Variants in MGA observed in about 807,000 individuals in gnomAD.
MGA encodes MAX dimerization protein MGA, also known as MAX gene-associated protein.
In MGA, 40 loss-of-function variants were observed where a neutral mutation model predicts 261.1. That is an observed-to-expected ratio of 0.15 (90% CI 0.12 to 0.20). The LOEUF (loss-of-function observed/expected upper bound fraction) is 0.20. Ranked by LOEUF, MGA falls within the 10% of genes least tolerant of loss-of-function variation. The pLI, the probability that MGA is intolerant of heterozygous loss-of-function variation, is 1.00. For synonymous variants in MGA, 1,302 were observed against 1,290.6 expected (o/e 1.01, Z -0.19); for missense variants, 3,397 against 3,630.5 (o/e 0.94, Z 1.65).
rs546786405 is a variant in MGA, at chr15:41,707,547, G to A, written c.2189-181G>A. ...TGTAATACCAGATGTCATGGATCAT[G>A]GGGCCACCTTAAATTGAATCTGCTA... is the stretch of plus-strand genomic sequence containing the variant. On this transcript the variant is annotated intron_variant, in intron 5 of 23. Transcript: ENST00000219905. 9.9e-5 allele frequency among the ~76,000 whole-genome samples: 15 copies of A among 152,284 alleles called. No homozygotes were observed. In the South Asian group the frequency reaches 3.1e-3, roughly 32 times the overall value.
chr15:41,634,107 T>C (rs1034953023), intron 1 of MGA, among the ~76,000 whole-genome samples: 18 of 152,170 alleles, frequency 1.2e-4, no homozygotes, highest in Admixed American at 9.8e-4. Flanking sequence ...CCATCTCTCT[T>C]CCCTGCTTTA....
At chr15:41,636,708 C>T (rs1019370723) in intron 1 of MGA, among the ~76,000 whole-genome samples, 10 of 152,028 alleles carry the variant, frequency 6.6e-5, no homozygotes, top group African/African-American at 2.4e-4. Context: ...AGCCACCATA[C>T]CCAGCCTAAT....
At chr15:41,640,907 C>T (rs12591253) in intron 1 of MGA, among the ~76,000 whole-genome samples, 22,960 of 152,132 alleles carry the variant, frequency 0.15, 2,630 homozygotes, top group East Asian at 0.68. Context: ...TTAGTGTATT[C>T]ATAGTAATGC....
chr15:41,733,964 G>A (rs1371680876), intron 11 of MGA, among the ~76,000 whole-genome samples: 1 of 147,298 alleles, frequency 6.8e-6, no homozygotes, highest in East Asian at 2.1e-4. Context: ...CACCCAGGCT[G>A]AAGTGCAGTG....
In MGA at chr15:41,749,225, C is replaced by T. The variant is rs2062692471; in HGVS notation, c.5618C>T (p.Ser1873Phe). The T allele has an allele frequency of 1.9e-6, 3 of 1,613,846 alleles. No individual in the cohort carries two copies. Among genetic ancestry groups the T allele is most frequent in the Non-Finnish European group, 2.5e-6 (3 of 1,179,746 alleles). ...AATCCTGTAATTCAAGCTGTTGGGT[C>T]TTCTTCAGCAGTGAATGTTATCACT... Residue 1873 changes from serine (S) to phenylalanine (F), a missense_variant, in exon 17 of 24, where the codon TCT (serine) becomes TTT (phenylalanine). This residue lies in a region of MGA where 1,410 missense variants were observed against 1,386.4 expected (regional missense o/e 1.02). Coordinates refer to ENST00000219905, the MANE Select transcript of MGA (RefSeq NM_001164273.2).
chr15:41,638,169 A>T (rs2056747889), intron 1 of MGA, among the ~76,000 whole-genome samples: 1 of 146,412 alleles, frequency 6.8e-6, no homozygotes, highest in East Asian at 2.0e-4. Context: ...CAGTCTCCTG[A>T]ATAGCTGGAA....
At chr15:41,700,801 A>G (rs1484054671) in intron 5 of MGA, among the ~76,000 whole-genome samples, 8 of 152,118 alleles carry the variant, frequency 5.3e-5, no homozygotes, top group African/African-American at 1.9e-4. Context: ...GGCATCTTGG[A>G]GTAGTTTTTT....
chr15:41,707,109 A>T (rs967850988), intron 5 of MGA, among the ~76,000 whole-genome samples: 4 of 152,188 alleles, frequency 2.6e-5, no homozygotes, highest in African/African-American at 4.8e-5. Context: ...CTGGACCACA[A>T]AGAGTTAAAG....
intron 3 of MGA, 111 bp from the exon 4 acceptor site, chr15:41,698,752 T>G (rs1226653949): frequency 2.7e-6 from 2 of 741,812 alleles, no homozygotes; most frequent in Non-Finnish European, 4.4e-6. Flanking sequence ...AGCGTAACTG[T>G]AGGCATGGAG....
chr15:41,723,838 C>A (rs2061083744), intron 9 of MGA, among the ~76,000 whole-genome samples: 1 of 152,180 alleles, frequency 6.6e-6, no homozygotes, highest in Admixed American at 6.5e-5. Flanking sequence ...CTCCATTTCT[C>A]ATTTTTTCCC....
intron 18 of MGA, among the ~76,000 whole-genome samples, chr15:41,755,185 G>A (rs2063076731): frequency 6.6e-6 from 1 of 152,150 alleles, no homozygotes; most frequent in African/African-American, 2.4e-5. Flanking sequence ...ATTGGGCTGT[G>A]AGAAAGAGTA....
At chr15:41,704,333 TAAA>T (rs534869856) in intron 5 of MGA, among the ~76,000 whole-genome samples, 1 of 144,390 alleles carries the variant, frequency 6.9e-6, no homozygotes, top group African/African-American at 2.5e-5. Flanking sequence ...TGCCCTGCAG[TAAA>T]AAAAAAAAAA....
chr15:41,682,262 T>TAC (rs1045228344), intron 2 of MGA, among the ~76,000 whole-genome samples: 5 of 152,078 alleles, frequency 3.3e-5, no homozygotes, highest in Admixed American at 6.6e-5. Context: ...TTCATACACA[T>TAC]ACACACACAC....
intron 1 of MGA, among the ~76,000 whole-genome samples, chr15:41,630,390 GT>G (rs2056562945): frequency 6.6e-6 from 1 of 152,130 alleles, no homozygotes; most frequent in African/African-American, 2.4e-5. Context: ...AAATTCATTT[GT>G]TTTCCCAGTG....
chr15:41,732,884 C>G (rs1480615412), intron 11 of MGA, among the ~76,000 whole-genome samples: 1 of 152,178 alleles, frequency 6.6e-6, no homozygotes, highest in Non-Finnish European at 1.5e-5. Flanking sequence ...ATTCAGACTC[C>G]TTTCCTAGGA....
At chr15:41,646,514 A>T (rs2056935726) in intron 1 of MGA, among the ~76,000 whole-genome samples, 1 of 151,594 alleles carries the variant, frequency 6.6e-6, no homozygotes, top group Non-Finnish European at 1.5e-5. Context: ...TGGAGGGGGA[A>T]GTTCTGCCAT....
At chr15:41,627,098 G>C (rs1442280133) in intron 1 of MGA, among the ~76,000 whole-genome samples, 1 of 152,040 alleles carries the variant, frequency 6.6e-6, no homozygotes, top group Non-Finnish European at 1.5e-5. Flanking sequence ...TGGTAGAGAT[G>C]GAGTTTCATC....
chr15:41,764,232 A>G (rs2063667057), intron 22 of MGA, among the ~76,000 whole-genome samples: 1 of 149,658 alleles, frequency 6.7e-6, no homozygotes, highest in Non-Finnish European at 1.5e-5. Flanking sequence ...TGTATGAGCC[A>G]AAAAAAATCT....
At chr15:41,678,779 A>C (rs1473246315) in intron 2 of MGA, among the ~76,000 whole-genome samples, 1 of 151,484 alleles carries the variant, frequency 6.6e-6, no homozygotes, top group Non-Finnish European at 1.5e-5. Flanking sequence ...AAAAAAAAAA[A>C]ACCACAAAAT....
Sources: allele counts gnomAD v4.1 joint callset (sites outside exome capture counted in the v4.1 genomes callset), GRCh38; gene constraint gnomAD v4.1.1; regional missense constraint gnomAD v4.1.1; transcripts MANE v1.5; gene names NCBI Gene and HGNC (gene_info 2026-07-23, HGNC 2026-07-21).